SPAG16: variants seen among roughly 807,000 people sequenced by gnomAD.
SPAG16 encodes sperm associated antigen 16, also known as sperm-associated antigen 16 protein.
In SPAG16, 86 loss-of-function variants were observed where a neutral mutation model predicts 80.4. The ratio of observed to expected loss-of-function variants is 1.07; its 90% confidence interval spans 0.90 to 1.28. SPAG16 has a LOEUF of 1.28. SPAG16 is among the 50% of genes most tolerant of loss of function. The pLI, the probability that SPAG16 is intolerant of heterozygous loss-of-function variation, is 0.00. For missense variants in SPAG16, 870 were observed against 765.3 expected, an observed-to-expected ratio of 1.14 and a Z score of -1.61; for synonymous variants, 294 against 265.9, an observed-to-expected ratio of 1.11 and a Z score of -1.03.
At chr2:214,020,667 T>G (rs1045752939) in intron 13 of SPAG16, among the ~76,000 whole-genome samples, 2 of 152,210 alleles carry the variant, frequency 1.3e-5, no homozygotes, top group Admixed American at 6.6e-5. Flanking sequence ...AAATGTATGA[T>G]GATCTGTACT....
chr2:213,736,117 T>G (rs1232175665), intron 10 of SPAG16, among the ~76,000 whole-genome samples: 1 of 152,216 alleles, frequency 6.6e-6, no homozygotes, highest in Non-Finnish European at 1.5e-5. Context: ...TTCAATAATT[T>G]AATTAGTTAC....
intron 13 of SPAG16, among the ~76,000 whole-genome samples, chr2:214,073,232 C>CTTTTTTTTTTTTTTTTTTT (rs67988930): frequency 7.1e-6 from 1 of 141,072 alleles, no homozygotes; most frequent in Non-Finnish European, 1.6e-5. Context: ...GAAATTTTTT[C>CTTTTTTTTTTTTTTTTTTT]TTTTTTTTTT....
At chr2:213,799,170 C>T (rs1033507426) in intron 10 of SPAG16, among the ~76,000 whole-genome samples, 5 of 152,032 alleles carry the variant, frequency 3.3e-5, no homozygotes, top group African/African-American at 1.2e-4. Context: ...AGAGTATTGC[C>T]ATCTTAACAA....
At chr2:213,365,859 T>C (rs1031308258) in intron 8 of SPAG16, among the ~76,000 whole-genome samples, 1 of 151,560 alleles carries the variant, frequency 6.6e-6, no homozygotes. Flanking sequence ...AGAAGAAAGA[T>C]AGGCCGGGCA....
intron 15 of SPAG16, among the ~76,000 whole-genome samples, chr2:214,158,821 G>A (rs2056323531): frequency 6.6e-6 from 1 of 151,900 alleles, no homozygotes; most frequent in African/African-American, 2.4e-5. Context: ...TACCTCCTTG[G>A]AAATTGTTTA....
intron 7 of SPAG16, among the ~76,000 whole-genome samples, chr2:213,356,880 G>A (rs574077891): frequency 2.0e-5 from 3 of 152,054 alleles, no homozygotes; most frequent in African/African-American, 7.2e-5. Context: ...TCTCTTGCGG[G>A]TATTTAGTGC....
chr2:213,409,854 C>T (rs1466787550), intron 9 of SPAG16, among the ~76,000 whole-genome samples: 1 of 152,182 alleles, frequency 6.6e-6, no homozygotes, highest in Non-Finnish European at 1.5e-5. Flanking sequence ...GATGTCCCCA[C>T]ACTTAAAAGG....
chr2:214,139,637 A>G (rs1046684807), intron 14 of SPAG16, among the ~76,000 whole-genome samples: 14 of 152,184 alleles, frequency 9.2e-5, no homozygotes, highest in African/African-American at 3.4e-4. Context: ...TTCAACAAAT[A>G]TAATATGAAT....
At chr2:213,784,704 A>G (rs1191469450) in intron 10 of SPAG16, among the ~76,000 whole-genome samples, 1 of 148,232 alleles carries the variant, frequency 6.7e-6, no homozygotes, top group Non-Finnish European at 1.5e-5. Context: ...TCTCTAAGAG[A>G]TTCCAATATA....
At chr2:213,926,611 T>A (rs1392564524) in intron 11 of SPAG16, among the ~76,000 whole-genome samples, 4 of 152,124 alleles carry the variant, frequency 2.6e-5, no homozygotes, top group Non-Finnish European at 5.9e-5. Flanking sequence ...ATTTTTAAAA[T>A]TTCTAAATAT....
intron 10 of SPAG16, among the ~76,000 whole-genome samples, chr2:213,494,897 T>G (rs1338016590): frequency 6.6e-6 from 1 of 152,186 alleles, no homozygotes; most frequent in Non-Finnish European, 1.5e-5. Context: ...TTCCACTACC[T>G]TCTCCACAGA....
chr2:214,160,898 A>G (rs939475625), intron 15 of SPAG16, among the ~76,000 whole-genome samples: 1 of 152,012 alleles, frequency 6.6e-6, no homozygotes, highest in African/African-American at 2.4e-5. Flanking sequence ...TAATTTTCCT[A>G]TAAGCCCCTT....
At chr2:213,423,651 A>G (rs1021421189) in intron 9 of SPAG16, among the ~76,000 whole-genome samples, 2 of 152,236 alleles carry the variant, frequency 1.3e-5, no homozygotes, top group Non-Finnish European at 2.9e-5. Context: ...TACTAACACT[A>G]TTAACGAAAG....
At chr2:214,278,505 G>A (rs958265662) in intron 15 of SPAG16, among the ~76,000 whole-genome samples, 8 of 152,198 alleles carry the variant, frequency 5.3e-5, no homozygotes, top group Non-Finnish European at 1.2e-4. Flanking sequence ...TTTTGTCTAG[G>A]TGGAGGAACT....
At chr2:214,108,419 G>A (rs1274628034) in intron 14 of SPAG16, among the ~76,000 whole-genome samples, 158 bp downstream of exon 14, 1 of 149,340 alleles carries the variant, frequency 6.7e-6, no homozygotes, top group Non-Finnish European at 1.5e-5. Flanking sequence ...TAGGTATATA[G>A]GGTTGCAGAA....
chr2:213,891,065 TTTTTG>T (rs1266418238), intron 11 of SPAG16, among the ~76,000 whole-genome samples: 1 of 152,092 alleles, frequency 6.6e-6, no homozygotes, highest in African/African-American at 2.4e-5. Context: ...GGTATTTTTC[TTTTTG>T]TTTTAATTTT....
chr2:213,610,164 T>C (rs569141368), intron 10 of SPAG16, among the ~76,000 whole-genome samples: 1 of 152,302 alleles, frequency 6.6e-6, no homozygotes, highest in East Asian at 1.9e-4. Context: ...CTGTTAAGTA[T>C]TGAGGGAAAT....
chr2:214,171,929 G>C lies in SPAG16; in HGVS notation c.1720+22663G>C, dbSNP rs918097641. Among the ~76,000 whole-genome samples the C allele has an allele frequency of 2.6e-5, 4 of 151,622 alleles. No homozygotes were observed. In the South Asian group the frequency reaches 6.2e-4, roughly 24 times the overall value. On this transcript the variant is annotated intron_variant, in intron 15 of 15. Coordinates refer to ENST00000331683, the MANE Select transcript of SPAG16 (RefSeq NM_024532.5). ...ATGTATGGGGTACATATAGATAAATGGTTACTATAGTGAAGCAGATCAACA... is the reference window on the plus strand; with the variant it reads ...ATGTATGGGGTACATATAGATAAATCGTTACTATAGTGAAGCAGATCAACA...
At chr2:213,764,093 A>G (rs999442360) in intron 10 of SPAG16, among the ~76,000 whole-genome samples, 9 of 152,238 alleles carry the variant, frequency 5.9e-5, no homozygotes, top group Non-Finnish European at 1.0e-4. Flanking sequence ...GTGTTACACA[A>G]ATATTAGTTA....
Sources: gnomAD v4.1 joint callset for allele counts (sites outside exome capture counted in the v4.1 genomes callset) on GRCh38, gnomAD v4.1.1 for gene constraint, MANE v1.5 for transcripts, NCBI Gene and HGNC (gene_info 2026-07-23, HGNC 2026-07-21) for gene names.